SEC31A: variants seen among roughly 807,000 people sequenced by gnomAD.
The protein encoded by SEC31A is SEC31 homolog A, COPII component, also known as protein transport protein Sec31A.
In SEC31A, 70 loss-of-function variants were observed where a neutral mutation model predicts 151.0. That is an observed-to-expected ratio of 0.46 (90% CI 0.38 to 0.57). The LOEUF (loss-of-function observed/expected upper bound fraction) is 0.57. Ranked by LOEUF, SEC31A falls within the 20% of genes least tolerant of loss-of-function variation. The pLI, the probability that SEC31A is intolerant of heterozygous loss-of-function variation, is 0.00. For synonymous variants in SEC31A, 475 were observed against 505.9 expected (o/e 0.94, Z 0.82); for missense variants, 1,330 against 1,471.2 (o/e 0.90, Z 1.57).
At chr4:82,833,967 T>C (rs995729592) in intron 22 of SEC31A, among the ~76,000 whole-genome samples, 1 of 152,180 alleles carries the variant, frequency 6.6e-6, no homozygotes, top group Non-Finnish European at 1.5e-5. Flanking sequence ...TAATGTTTAC[T>C]GACAGATGTT....
chr4:82,875,600 TA>T (rs2125746253), intron 5 of SEC31A, 126 bp downstream of exon 5: 1 of 629,420 alleles, frequency 1.6e-6, no homozygotes, highest in Admixed American at 3.1e-5. Context: ...GAAAAATCAG[TA>T]ATATCTAAAC....
At chr4:82,882,664 T>C (rs893537881) in intron 1 of SEC31A, among the ~76,000 whole-genome samples, 1 of 152,150 alleles carries the variant, frequency 6.6e-6, no homozygotes, top group Non-Finnish European at 1.5e-5. Flanking sequence ...GATTACTCAA[T>C]GATAAGAGCA....
intron 5 of SEC31A, 72 bp from the exon 6 acceptor site, chr4:82,874,823 T>A (rs1356331699): frequency 2.0e-6 from 3 of 1,537,948 alleles, no homozygotes; most frequent in East Asian, 4.6e-5. Context: ...TAAAATTGGA[T>A]CCTTCATTTT....
In SEC31A at chr4:82,856,839, G is replaced by A. The variant is rs1055712013; in HGVS notation, c.1881+113C>T. 1.2e-5 allele frequency: 10 copies of A among 868,864 alleles called. No homozygotes were observed. The Admixed American group carries it at 2.9e-4, about 25-fold the overall frequency. 53.8% of individuals were successfully genotyped at this position (868,864 alleles called of 1,614,324 possible). A position where few individuals can be genotyped will look rare whatever the true frequency, so the allele number is the denominator to read the frequency against. On this transcript the variant is annotated intron_variant, in intron 16 of 26. Transcript: ENST00000395310. ...ATTTCCAGGTCAAGGAATTATGAATGAGCTTTTAAAATTCTTTACTGGTTT... is the reference window on the plus strand; with the variant it reads ...ATTTCCAGGTCAAGGAATTATGAATAAGCTTTTAAAATTCTTTACTGGTTT...
chr4:82,819,708 T>G (rs1262404932), intron 26 of SEC31A, among the ~76,000 whole-genome samples: 1 of 152,140 alleles, frequency 6.6e-6, no homozygotes, highest in African/African-American at 2.4e-5. Flanking sequence ...AAACCTGTAG[T>G]TTTTTACTAT....
chr4:82,845,178 A>C, intron 20 of SEC31A: 1 of 1,449,684 alleles, frequency 6.9e-7, no homozygotes, highest in Non-Finnish European at 9.4e-7. Flanking sequence ...ATTCTGCTCA[A>C]AGAGGAATAA....
At chr4:82,881,357 T>C (rs1330088827) in intron 2 of SEC31A, among the ~76,000 whole-genome samples, 2 of 151,648 alleles carry the variant, frequency 1.3e-5, no homozygotes, top group Non-Finnish European at 2.9e-5. Flanking sequence ...CCCAGCTACT[T>C]GGGAGGCTGA....
intron 14 of SEC31A, among the ~76,000 whole-genome samples, chr4:82,860,402 A>G (rs189733590): frequency 6.6e-6 from 1 of 152,330 alleles, no homozygotes; most frequent in Admixed American, 6.5e-5. Context: ...GATAATACAT[A>G]GTCTAGTTGT....
At chr4:82,837,528 C>T (rs1727696661) in intron 22 of SEC31A, among the ~76,000 whole-genome samples, 1 of 152,082 alleles carries the variant, frequency 6.6e-6, no homozygotes, top group Non-Finnish European at 1.5e-5. Flanking sequence ...GGAATATAGG[C>T]ATGTGCTTCC....
At chr4:82,824,096 C>T (rs755058430) in intron 25 of SEC31A, among the ~76,000 whole-genome samples, 10 of 152,154 alleles carry the variant, frequency 6.6e-5, no homozygotes, top group Non-Finnish European at 1.2e-4. Flanking sequence ...ATATGTAATG[C>T]AAACTATGTA....
chr4:82,848,558 C>T (rs998602184), intron 20 of SEC31A, among the ~76,000 whole-genome samples: 6 of 152,010 alleles, frequency 3.9e-5, no homozygotes, highest in Admixed American at 2.0e-4. Context: ...AGAAATAGAA[C>T]AAATCTCCCT....
At position 82,842,354 on chromosome 4, in the gene SEC31A, G is replaced by A. The variant is rs1452643223; in HGVS notation, c.2754C>T (p.Ser918=). 1.2e-6 allele frequency: 2 copies of A among 1,613,812 alleles called. No homozygotes were observed. The highest frequency in any genetic ancestry group is 1.7e-5 in the Admixed American group (1 of 59,974). ...PNTPYISSAS[S]YTGQSQLYAA... ...CGTACAGCTGAGACTGCCCAGTATA[G>A]GAAGAAGCAGAAGATATGTAAGGGG... The change falls in exon 22 of 27, where the codon TCC becomes TCT. Residue 918 remains serine, a synonymous_variant. Transcript: ENST00000395310.
chr4:82,841,251 C>T (rs1728651045), intron 22 of SEC31A, among the ~76,000 whole-genome samples: 2 of 149,768 alleles, frequency 1.3e-5, no homozygotes, highest in Admixed American at 6.7e-5. Flanking sequence ...TGGTGAAAGC[C>T]GTCTCTACCA....
Position 82,854,913 on chromosome 4 carries a change from T to C in SEC31A, c.1998A>G (p.Ser666=). 1 of 1,612,650 alleles carries C rather than the reference T, an allele frequency of 6.2e-7. No individual in the cohort carries two copies. Among genetic ancestry groups the C allele is most frequent in the Non-Finnish European group, 8.5e-7 (1 of 1,179,492 alleles). ...AAGCACATCTCTTACCACAAAGGGC[T>C]GAAAATTCATCCGGCTTTGCATAAG... ...VLTYAKPDEF[S]ALCDLLGTRL... is the part of the protein sequence containing the mutation. Residue 666 remains serine (S), a synonymous_variant, in exon 17 of 27, where the codon TCA becomes TCG. Coordinates refer to ENST00000395310, the MANE Select transcript of SEC31A (RefSeq NM_001077207.4).
intron 19 of SEC31A, among the ~76,000 whole-genome samples, chr4:82,849,951 A>G (rs1296986218): frequency 6.6e-6 from 1 of 152,154 alleles, no homozygotes; most frequent in Non-Finnish European, 1.5e-5. Flanking sequence ...TAAATGTTTT[A>G]GGCATATTTT....
chr4:82,874,563 C>G (rs1199664588), intron 6 of SEC31A, 48 bp downstream of exon 6: 1 of 1,526,060 alleles, frequency 6.6e-7, no homozygotes, highest in Admixed American at 2.4e-5. Flanking sequence ...ATAGGAATAC[C>G]TACAGCAGAA....
intron 25 of SEC31A, chr4:82,821,549 A>AAG (rs1491323296): frequency 9.3e-5 from 1 of 10,810 alleles, no homozygotes; most frequent in Non-Finnish European, 3.3e-4. Flanking sequence ...ACTCCGTCTC[A>AAG]AAAAAAAAAA....
chr4:82,888,794 G>A (rs1741568805), intron 1 of SEC31A, among the ~76,000 whole-genome samples: 1 of 152,004 alleles, frequency 6.6e-6, no homozygotes, highest in Non-Finnish European at 1.5e-5. Context: ...ATTCAATTAG[G>A]TGGAAACTTT....
At chr4:82,843,493 AGGTAT>A (rs1036511068) in intron 21 of SEC31A, among the ~76,000 whole-genome samples, 3 of 152,196 alleles carry the variant, frequency 2.0e-5, no homozygotes, top group Non-Finnish European at 2.9e-5. Context: ...GACCAAGAGT[AGGTAT>A]GAACCTCGAT....
Sources: allele counts gnomAD v4.1 joint callset (sites outside exome capture counted in the v4.1 genomes callset), GRCh38; gene constraint gnomAD v4.1.1; transcripts MANE v1.5; gene names NCBI Gene and HGNC (gene_info 2026-07-23, HGNC 2026-07-21).